PLEC: variants seen among roughly 807,000 people sequenced by gnomAD.
PLEC encodes the protein hemidesmosomal protein 1.
PLEC carries 216 observed loss-of-function variants against 392.8 expected under a neutral mutation model. The observed-to-expected ratio is 0.55, with a 90% confidence interval of 0.49 to 0.62. The LOEUF (loss-of-function observed/expected upper bound fraction) is 0.62. Among genes scored for constraint, PLEC ranks in the 20% least tolerant of loss-of-function variants. The pLI, the probability that PLEC is intolerant of heterozygous loss-of-function variation, is 0.00. For missense variants in PLEC, 6,863 were observed against 6,563.4 expected, an observed-to-expected ratio of 1.05 and a Z score of -1.58; for synonymous variants, 3,621 against 2,980.6, an observed-to-expected ratio of 1.21 and a Z score of -7.00.
At chr8:143,971,838 C>T (rs1286296528) in intron 1 of PLEC, among the ~76,000 whole-genome samples, 1 of 152,084 alleles carries the variant, frequency 6.6e-6, no homozygotes, top group African/African-American at 2.4e-5. Context: ...AGAAGGCAGA[C>T]AATGGGCCAA....
chr8:143,916,540 G>T lies in PLEC; in HGVS notation c.13281C>A (p.Asp4427Glu). The T allele has an allele frequency of 6.2e-7, 1 of 1,611,804 alleles. No homozygotes were observed. Among genetic ancestry groups the T allele is most frequent in the Non-Finnish European group, 8.5e-7 (1 of 1,179,498 alleles). The change falls in exon 32 of 32, where the codon GAC becomes GAA. Residue 4427 changes from aspartate to glutamate, a missense_variant. By Grantham distance (45) the Asp-to-Glu change is conservative. Coordinates refer to ENST00000345136, the MANE Select transcript of PLEC (RefSeq NM_201384.3). ...VDARTAQKLR[D>E]VGAYSKYLTC... ...TGAGGTACTTGGAGTAGGCGCCCAC[G>T]TCACGCAGCTTCTGTGCGGTGCGGG...
In PLEC at chr8:143,923,084, C is replaced by T. The variant is rs782316711; in HGVS notation, c.6845G>A (p.Arg2282Gln). Reference protein sequence around the residue: ...KMKQVAEEAARLSVAAQEAAR... With the variant: ...KMKQVAEEAAQLSVAAQEAAR... ...AGCCTCTTGGGCCGCCACACTCAGCCGCGCGGCCTCCTCCGCCACCTGCTT... is the reference window on the plus strand; with the variant it reads ...AGCCTCTTGGGCCGCCACACTCAGCTGCGCGGCCTCCTCCGCCACCTGCTT... The change falls in exon 31 of 32, where the codon CGG (arginine) becomes CAG (glutamine). Residue 2282 changes from arginine to glutamine, a missense_variant. By Grantham distance (43) the Arg-to-Gln change is conservative. Coordinates refer to ENST00000345136, the MANE Select transcript of PLEC (RefSeq NM_201384.3). 1.7e-5 allele frequency: 27 copies of T among 1,607,902 alleles called. No homozygotes were observed. The highest frequency in any genetic ancestry group is 1.6e-4 in the Middle Eastern group (1 of 6,080).
chr8:143,951,872 C>CA (rs1832183892), upstream of PLEC, among the ~76,000 whole-genome samples: 1 of 151,998 alleles, frequency 6.6e-6, no homozygotes, highest in African/African-American at 2.4e-5. Context: ...TCCACCCCCC[C>CA]CTCCCCGCCC....
Position 143,932,393 on chromosome 8 carries a change from C to G in PLEC, c.1977+7G>C. On this transcript the variant is annotated splice_region_variant and intron_variant, in intron 16 of 31. Transcript: ENST00000345136. Reference sequence around the variant, plus strand: ...GTGGGGTTCAGGGCAGCTGGGCCACCGCTCACCGAGTAGCTCTCCTTCTTG... The same window carrying G: ...GTGGGGTTCAGGGCAGCTGGGCCACGGCTCACCGAGTAGCTCTCCTTCTTG... The G allele has an allele frequency of 6.2e-7, 1 of 1,612,598 alleles. No individual in the cohort carries two copies. Among genetic ancestry groups the G allele is most frequent in the East Asian group, 2.2e-5 (1 of 44,882 alleles).
Position 143,925,254 on chromosome 8 carries a change from G to A in PLEC, c.4675C>T (p.Arg1559Ter), listed in dbSNP as rs782185897. 3.2e-6 allele frequency: 5 copies of A among 1,583,012 alleles called. No homozygotes were observed. Among genetic ancestry groups the A allele is most frequent in the Admixed American group, 1.7e-5 (1 of 59,048 alleles). Reference protein sequence around the residue: ...ERRLRQAEVERARQVQVALET... With the variant: ...ERRLRQAEVE Reference sequence around the variant, plus strand: ...AGGGCCACCTGTACCTGCCGCGCTCGCTCCACCTCGGCCTGCCGCAGGCGC... The same window carrying A: ...AGGGCCACCTGTACCTGCCGCGCTCACTCCACCTCGGCCTGCCGCAGGCGC... Residue 1559 changes from arginine to a stop codon, truncating the protein, a stop_gained, in exon 31 of 32, where the codon CGA becomes TGA. Coordinates refer to ENST00000345136, the MANE Select transcript of PLEC (RefSeq NM_201384.3). LOFTEE classifies it high-confidence loss of function.
At position 143,918,806 on chromosome 8, in the gene PLEC, C is replaced by G. The variant is rs782767733; in HGVS notation, c.11015G>C (p.Ser3672Thr). 1.7e-5 allele frequency: 27 copies of G among 1,613,096 alleles called. No homozygotes were observed. The Admixed American group carries it at 4.5e-4, about 27-fold the overall frequency. ...CTCCGCCTCGAGAGCCTCACGGAGG[C>G]TCCTGGTGCCCTCCCGGAGCAGGTT... Reference protein sequence around the residue: ...TYNLLREGTRSLREALEAESA... With the variant: ...TYNLLREGTRTLREALEAESA... Residue 3672 changes from serine (S) to threonine (T), a missense_variant, in exon 32 of 32, where the codon AGC (serine) becomes ACC (threonine). Ser to Thr is a moderately conservative substitution (Grantham distance 58, BLOSUM62 1). Coordinates refer to ENST00000345136, the MANE Select transcript of PLEC (RefSeq NM_201384.3).
chr8:143,942,399 G>A (rs782495663), upstream of PLEC: 44 of 1,603,136 alleles, frequency 2.7e-5, no homozygotes, highest in Admixed American at 7.0e-4. Context: ...CACCTACGCA[G>A]CACAGCTGCT....
chr8:143,935,586 G>T lies in PLEC; in HGVS notation c.602+262C>A, dbSNP rs1322221339. ...GCCACCCTCCCCACCAGGCCCCTCC[G>T]GAGGCGTCCACAGAGGGCACATGCA... is the stretch of plus-strand genomic sequence containing the variant. On this transcript the variant is annotated intron_variant, in intron 6 of 31. Coordinates refer to ENST00000345136, the MANE Select transcript of PLEC (RefSeq NM_201384.3). 3.3e-5 allele frequency among the ~76,000 whole-genome samples: 5 copies of T among 152,140 alleles called. No homozygotes were observed. In the East Asian group the frequency reaches 9.7e-4, roughly 30 times the overall value.
chr8:143,938,321 G>A, intron 2 of PLEC, 81 bp from the exon 3 acceptor site: 1 of 1,534,366 alleles, frequency 6.5e-7, no homozygotes, highest in Non-Finnish European at 8.8e-7. Context: ...CAGAGTGGGT[G>A]CTGGTCCCAG....
At position 143,937,243 on chromosome 8, in the gene PLEC, C is replaced by T; in HGVS notation, c.265-1G>A. The T allele has an allele frequency of 6.2e-7, 1 of 1,611,314 alleles. No homozygotes were observed. Among genetic ancestry groups the T allele is most frequent in the Non-Finnish European group, 8.5e-7 (1 of 1,178,634 alleles). ...AACGCATCCTCCCCTTCTCCCGGGG[C>T]TGTGGGGAGGCACAGTCAGCACCCA... On this transcript the variant is annotated splice_acceptor_variant, in intron 3 of 31. Coordinates refer to ENST00000345136, the MANE Select transcript of PLEC (RefSeq NM_201384.3). LOFTEE classifies it high-confidence loss of function.
Position 143,917,760 on chromosome 8 carries a change from T to C in PLEC, c.12061A>G (p.Lys4021Glu), listed in dbSNP as rs1554673053. ...ATGGCCTGGAAGAGGGAGATGAGCT[T>C]CCCAGAGTAGGGGTCCTTGTACCCA... ...VTGYKDPYSG[K>E]LISLFQAMKK... The change falls in exon 32 of 32, where the codon AAG becomes GAG. Residue 4021 changes from lysine to glutamate, a missense_variant. Physicochemically the swap from Lys to Glu is moderately conservative, Grantham distance 56 (BLOSUM62 1). Transcript: ENST00000345136. The C allele has an allele frequency of 6.2e-7, 1 of 1,613,360 alleles. No individual in the cohort carries two copies. Among genetic ancestry groups the C allele is most frequent in the Non-Finnish European group, 8.5e-7 (1 of 1,179,910 alleles).
At position 143,924,116 on chromosome 8, in the gene PLEC, G is replaced by A. The variant is rs781811889; in HGVS notation, c.5813C>T (p.Ala1938Val). The A allele has an allele frequency of 1.1e-5, 18 of 1,598,548 alleles. No homozygotes were observed. Among genetic ancestry groups the A allele is most frequent in the Non-Finnish European group, 1.5e-5 (18 of 1,179,402 alleles). Residue 1938 changes from alanine to valine, a missense_variant, in exon 31 of 32, where the codon GCC (alanine) becomes GTC (valine). Physicochemically the swap from Ala to Val is moderately conservative, Grantham distance 64 (BLOSUM62 0). Coordinates refer to ENST00000345136, the MANE Select transcript of PLEC (RefSeq NM_201384.3). ...CAGCTCCAGCTCCGCCTTGCCAGCGGCCGCCTTCTCGAAGCTCGCCTTCAG... is the reference window on the plus strand; with the variant it reads ...CAGCTCCAGCTCCGCCTTGCCAGCGACCGCCTTCTCGAAGCTCGCCTTCAG... The part of the protein sequence containing the change: ...LALKASFEKA[A>V]AGKAELELEL...
At chr8:143,966,678 T>C (rs1023003102) in intron 1 of PLEC, among the ~76,000 whole-genome samples, 4 of 151,152 alleles carry the variant, frequency 2.6e-5, no homozygotes, top group South Asian at 2.1e-4. Flanking sequence ...AAGCAACACA[T>C]AGTCCCCGCG....
upstream of PLEC, among the ~76,000 whole-genome samples, chr8:143,942,157 GC>G (rs1830586243): frequency 7.5e-6 from 1 of 133,964 alleles, no homozygotes; most frequent in African/African-American, 2.8e-5. Context: ...GGCCAGCCCC[GC>G]CCCCTCCAGC....
At chr8:143,952,446 G>A (rs1231025704), upstream of PLEC, among the ~76,000 whole-genome samples, 4 of 152,128 alleles carry the variant, frequency 2.6e-5, no homozygotes, top group African/African-American at 9.7e-5. Flanking sequence ...CAGCACCTGC[G>A]GACCCTCCAC....
Position 143,945,438 on chromosome 8 carries a change from C to T in PLEC, c.523+4746G>A, listed in dbSNP as rs371210246. 1.1e-4 allele frequency among the ~76,000 whole-genome samples: 16 copies of T among 152,272 alleles called. No individual in the cohort carries two copies. The East Asian group carries it at 1.9e-3, about 18-fold the overall frequency. On this transcript the variant is annotated intron_variant, in intron 1 of 31. Coordinates refer to the PLEC transcript ENST00000322810. ...ACAGCATATCCTATGCAGATCAGAT[C>T]CCAATGCAGCCGGGGAAACAGGACG...
chr8:143,942,441 GCC>G, upstream of PLEC: 2 of 1,603,318 alleles, frequency 1.2e-6, no homozygotes, highest in Non-Finnish European at 1.7e-6. Flanking sequence ...CCGGCTCGCA[GCC>G]CCCGTCCAGC....
chr8:143,920,065 C>T lies in PLEC; in HGVS notation c.9756G>A (p.Thr3252=), dbSNP rs782717194. The T allele has an allele frequency of 9.4e-5, 152 of 1,613,170 alleles. No homozygotes were observed. Among genetic ancestry groups the T allele is most frequent in the Non-Finnish European group, 1.2e-4 (141 of 1,180,044 alleles). The change falls in exon 32 of 32, where the codon ACG becomes ACA. Residue 3252 remains threonine (T), a synonymous_variant. Coordinates refer to ENST00000345136, the MANE Select transcript of PLEC (RefSeq NM_201384.3). ...ACTCAGAGCTGATGAGCTCCCACACCGTCACCGTCCTGCCCTTGAAGCCAC... is the reference window on the plus strand; with the variant it reads ...ACTCAGAGCTGATGAGCTCCCACACTGTCACCGTCCTGCCCTTGAAGCCAC... The part of the protein sequence containing the change: ...PVGGFKGRTV[T]VWELISSEYF...
upstream of PLEC, among the ~76,000 whole-genome samples, chr8:143,958,033 G>A (rs930303892): frequency 1.3e-5 from 2 of 152,186 alleles, no homozygotes; most frequent in Admixed American, 6.5e-5. The surrounding 1 kb of genome is among the most constrained non-coding windows in gnomAD (Gnocchi z 4.9). Flanking sequence ...TCAGCCCTCC[G>A]GAGGCACAGA....
Sources: allele counts gnomAD v4.1 joint callset (sites outside exome capture counted in the v4.1 genomes callset), GRCh38; gene constraint gnomAD v4.1.1; non-coding constraint Gnocchi (gnomAD v3.1); transcripts MANE v1.5; gene names NCBI Gene and HGNC (gene_info 2026-07-23, HGNC 2026-07-21).